The following SEMA4B variants were observed in gnomAD, a reference collection of about 807,000 sequenced individuals.
SEMA4B encodes semaphorin 4B, also known as semaphorin-4B.
Under a neutral mutation model 88.1 loss-of-function variants are expected in SEMA4B, and 55 were observed. The ratio of observed to expected loss-of-function variants is 0.62; its 90% CI spans 0.50 to 0.78. SEMA4B has a LOEUF of 0.78. Among genes scored for constraint, SEMA4B ranks in the 30% least tolerant of loss-of-function variants. The pLI is 0.00. For synonymous variants in SEMA4B, 525 were observed against 473.6 expected (o/e 1.11, Z -1.41); for missense variants, 1,062 against 1,111.9 (o/e 0.96, Z 0.64).
At chr15:90,225,230 G>A in intron 10 of SEMA4B, 52 bp downstream of exon 10, 1 of 1,555,120 alleles carries the variant, frequency 6.4e-7, no homozygotes, top group East Asian at 2.4e-5. Flanking sequence ...CGTGGCTGGT[G>A]GGTCATGGGC....
At chr15:90,222,919 C>CTT (rs749099646) in intron 7 of SEMA4B, among the ~76,000 whole-genome samples, 1 of 119,176 alleles carries the variant, frequency 8.4e-6, no homozygotes, top group East Asian at 2.3e-4. Flanking sequence ...CCCTCCAAAT[C>CTT]TTTTTTTTTT....
intron 7 of SEMA4B, 76 bp from the exon 8 acceptor site, chr15:90,223,483 G>A: frequency 7.3e-7 from 1 of 1,369,212 alleles, no homozygotes; most frequent in Non-Finnish European, 9.7e-7. Context: ...TGGGTCCATT[G>A]AGGCAGTCCT....
chr15:90,188,672 T>C (rs1045107002), intron 1 of SEMA4B, among the ~76,000 whole-genome samples: 2 of 151,790 alleles, frequency 1.3e-5, no homozygotes, highest in Non-Finnish European at 2.9e-5. Context: ...AGGATACGTA[T>C]TGTCTTTTTT....
intron 1 of SEMA4B, chr15:90,207,001 A>C: frequency 2.1e-6 from 1 of 468,072 alleles, no homozygotes; most frequent in Middle Eastern, 6.7e-4. Context: ...AAAAACAAAA[A>C]AAGCCTGGTG....
chr15:90,189,632 AC>A (rs1960286290), intron 1 of SEMA4B, among the ~76,000 whole-genome samples: 1 of 147,642 alleles, frequency 6.8e-6, no homozygotes, highest in Non-Finnish European at 1.5e-5. Flanking sequence ...ACTATTCCAA[AC>A]TGAGGTATAA....
rs756106572 is a variant in SEMA4B at position 90,225,696 on chromosome 15, C to T, written c.1557C>T (p.Val519=). The T allele has an allele frequency of 1.9e-6, 3 of 1,567,544 alleles. No individual in the cohort carries two copies. ...ATGCGGCCTCACACTCGGGCGTAGT[C>T]CAGGTGCCCATGGCCAACTGCAGCC... The part of the protein sequence containing the change: ...LLYAASHSGV[V]QVPMANCSLY... The change falls in exon 12 of 14, where the codon GTC becomes GTT. Residue 519 remains valine, a synonymous_variant. Transcript: ENST00000411539.
At position 90,223,694 on chromosome 15, in the gene SEMA4B, C is replaced by A. The variant is rs772601339; in HGVS notation, c.997C>A (p.Gln333Lys). The change falls in exon 8 of 14, where the codon CAG becomes AAG. Residue 333 changes from glutamine to lysine, a missense_variant. Gln to Lys is a moderately conservative substitution (Grantham distance 53, BLOSUM62 1). Transcript: ENST00000411539. ...QDVFTLSPSP[Q>K]DWRDTLFYGV... The stretch of plus-strand genomic sequence containing the variant: ...TGTCTTCACGCTGAGCCCCAGCCCC[C>A]AGGACTGGCGTGACACCCTTTTCTA... 1.1e-5 allele frequency: 18 copies of A among 1,612,884 alleles called. No homozygotes were observed. The Middle Eastern group carries it at 4.9e-4, about 44-fold the overall frequency.
At chr15:90,221,542 G>T in intron 6 of SEMA4B, 62 bp downstream of exon 6, 1 of 1,607,434 alleles carries the variant, frequency 6.2e-7, no homozygotes, top group Non-Finnish European at 8.5e-7. Flanking sequence ...CTAGAAGGGG[G>T]CACTTTCCCC....
chr15:90,187,453 G>A (rs1960198299), intron 1 of SEMA4B, among the ~76,000 whole-genome samples: 1 of 152,200 alleles, frequency 6.6e-6, no homozygotes, highest in Non-Finnish European at 1.5e-5. Context: ...GCTGAGTTAG[G>A]CAGGCCTTGT....
At chr15:90,224,831 G>T in intron 9 of SEMA4B, 137 bp from the exon 10 acceptor site, 2 of 724,242 alleles carry the variant, frequency 2.8e-6, no homozygotes, top group Admixed American at 4.1e-5. Context: ...CACTGGCTCT[G>T]TAGAGCACTG....
At chr15:90,219,167 C>T (rs147689790) in intron 3 of SEMA4B, 1,546 of 152,158 alleles carry the variant, frequency 0.01, 17 homozygotes, top group Non-Finnish European at 0.012. Context: ...GCTCAGATTC[C>T]GGATGCATTT....
chr15:90,193,233 C>A (rs1960398806), intron 1 of SEMA4B: 1 of 152,228 alleles, frequency 6.6e-6, no homozygotes, highest in African/African-American at 2.4e-5. Context: ...GGCTTGGGAA[C>A]CGCTCCCGCT....
At chr15:90,190,641 C>A (rs1474293954) in intron 1 of SEMA4B, among the ~76,000 whole-genome samples, 1 of 152,154 alleles carries the variant, frequency 6.6e-6, no homozygotes, top group Admixed American at 6.5e-5. Flanking sequence ...GGTGCTCAGA[C>A]TGGGATTTTA....
Position 90,227,563 on chromosome 15 carries a change from G to T in SEMA4B, c.1695G>T (p.Trp565Cys). Residue 565 changes from tryptophan (W) to cysteine (C), a missense_variant, in exon 13 of 14, where the codon TGG (tryptophan) becomes TGT (cysteine). Coordinates refer to ENST00000411539, the MANE Select transcript of SEMA4B (RefSeq NM_198925.4). The stretch of plus-strand genomic sequence containing the variant: ...AATTCTCTCTGGCCCTCAGGCCGTG[G>T]ATCCAGGACATCGAGGGAGCCAGCG... ...LYQPQLATRP[W>C]IQDIEGASAK... The T allele has an allele frequency of 6.2e-7, 1 of 1,613,948 alleles. No individual in the cohort carries two copies.
rs766999023 is a variant in SEMA4B at position 90,222,249 on chromosome 15, C to CT, written c.861+488dup. Among the ~76,000 whole-genome samples the CT allele has an allele frequency of 9.9e-3, 1,029 of 104,318 alleles. 25 individuals are homozygous for CT. Among genetic ancestry groups the CT allele is most frequent in the African/African-American group, 0.043 (872 of 20,488 alleles). The allele number at this position is 104,318 out of a possible 152,430, so 68.4% of individuals were successfully genotyped here. On this transcript the variant is annotated intron_variant, in intron 7 of 13. Transcript: ENST00000411539. ...GCCACTGCACCCAGCCATTTTTTTTCTTTTCTTTTTTTTTTTTTTACTTAA... is the reference window on the plus strand; with the variant it reads ...GCCACTGCACCCAGCCATTTTTTTTCTTTTTCTTTTTTTTTTTTTTACTTAA...
rs1369572660 is a variant in SEMA4B, at chr15:90,212,973, G to A, written c.158-4466G>A. 1.3e-5 allele frequency among the ~76,000 whole-genome samples: 2 copies of A among 152,164 alleles called. No homozygotes were observed. Among genetic ancestry groups the A allele is most frequent in the Non-Finnish European group, 2.9e-5 (2 of 68,034 alleles). ...CTGCCCTTCTGCCAGCTCTCACCGGGCCGGATTTTCCTGCGGGGCTTTTGG... is the reference window on the plus strand; with the variant it reads ...CTGCCCTTCTGCCAGCTCTCACCGGACCGGATTTTCCTGCGGGGCTTTTGG... On this transcript the variant is annotated intron_variant, in intron 1 of 13. Coordinates refer to ENST00000411539, the MANE Select transcript of SEMA4B (RefSeq NM_198925.4). The surrounding 1 kb of genome is among the most constrained non-coding windows in gnomAD (Gnocchi z 4.0).
chr15:90,185,558 G>C (rs1960139579), intron 1 of SEMA4B, among the ~76,000 whole-genome samples: 1 of 152,190 alleles, frequency 6.6e-6, no homozygotes. Flanking sequence ...CTGCAGTTGC[G>C]GCTACTCGGG....
At chr15:90,201,784 G>A (rs915657849) in intron 1 of SEMA4B, 49 bp downstream of exon 1, 2 of 1,374,740 alleles carry the variant, frequency 1.5e-6, no homozygotes, top group Admixed American at 3.4e-5. Flanking sequence ...GAAGGCTGCC[G>A]GGGACGTGCC....
rs774066041 is a variant in SEMA4B, at chr15:90,228,331, A to G, written c.2202A>G (p.Leu734=). The G allele has an allele frequency of 3.1e-6, 5 of 1,599,950 alleles. No individual in the cohort carries two copies. In the East Asian group the frequency reaches 6.7e-5, roughly 21 times the overall value. The change falls in exon 14 of 14, where the codon TTA becomes TTG. Residue 734 remains leucine, a synonymous_variant. Transcript: ENST00000411539. ...TGCTGGCCGTGCTGCTCCCAGTTTT[A>G]TTCTTGCTCTACCGGCACCGGAACA... The part of the protein sequence containing the change: ...LFVLAVLLPV[L]FLLYRHRNSM...
Sources: allele counts gnomAD v4.1 joint callset (sites outside exome capture counted in the v4.1 genomes callset), GRCh38; gene constraint gnomAD v4.1.1; non-coding constraint Gnocchi (gnomAD v3.1); transcripts MANE v1.5; gene names NCBI Gene and HGNC (gene_info 2026-07-23, HGNC 2026-07-21).